The following METRNL variants were observed in gnomAD, a reference collection of about 807,000 sequenced individuals.
METRNL encodes the protein meteorin like, glial cell differentiation regulator.
A neutral mutation model predicts 17.4 loss-of-function variants in METRNL; 9 were observed. That is an observed-to-expected ratio of 0.52 (90% CI 0.31 to 0.90). METRNL has a LOEUF of 0.90. Among genes scored for constraint, METRNL ranks in the 40% least tolerant of loss-of-function variants. METRNL has a pLI of 0.05. For missense variants in METRNL, 408 were observed against 430.7 expected (o/e 0.95, Z 0.47); for synonymous variants, 215 against 199.3 (o/e 1.08, Z -0.66).
At position 83,091,513 on chromosome 17, in the gene METRNL, C is replaced by T. The variant is rs552093371; in HGVS notation, c.557-1654C>T. Among the ~76,000 whole-genome samples, 184 of 152,334 alleles carry T rather than the reference C, an allele frequency of 1.2e-3. 2 individuals carry two copies. Among genetic ancestry groups the T allele is most frequent in the South Asian group, 2.9e-3 (14 of 4,830 alleles). On this transcript the variant is annotated intron_variant, in intron 2 of 3. Transcript: ENST00000320095. ...CAGGCCCTGAGGGTCCATGTAAGTT[C>T]CTGACCCCAGAAGGCCTCTGAGCAG...
In METRNL at chr17:83,094,706, A is replaced by G. The variant is rs1266274939; in HGVS notation, c.*131A>G. 1 of 663,120 alleles carries G rather than the reference A, an allele frequency of 1.5e-6. No individual in the cohort carries two copies. Among genetic ancestry groups the G allele is most frequent in the Non-Finnish European group, 2.2e-6 (1 of 464,388 alleles). 41.1% of individuals were successfully genotyped at this position (663,120 alleles called of 1,614,324 possible). A position where few individuals can be genotyped will look rare whatever the true frequency, so the allele number is the denominator to read the frequency against. On this transcript the variant is annotated 3_prime_UTR_variant, in exon 4 of 4. Coordinates refer to ENST00000320095, the MANE Select transcript of METRNL (RefSeq NM_001004431.3). ...CCCTGGGCCCAGGCCTGACCCTGGT[A>G]CCGAAGCTGTGGACGTTCTCGCCAC...
At chr17:83,085,372 C>T in intron 2 of METRNL, 49 bp downstream of exon 2, 3 of 1,507,102 alleles carry the variant, frequency 2.0e-6, no homozygotes, top group Middle Eastern at 2.2e-4. Flanking sequence ...CATCACGGGG[C>T]TGGTGATGTG....
chr17:83,090,143 C>T (rs1479223355), intron 2 of METRNL, among the ~76,000 whole-genome samples: 19 of 139,662 alleles, frequency 1.4e-4, no homozygotes, highest in African/African-American at 3.4e-4. Flanking sequence ...CACACACCCC[C>T]GCCCCGCCCC....
intron 2 of METRNL, among the ~76,000 whole-genome samples, chr17:83,087,275 T>A (rs1341804932): frequency 6.6e-6 from 1 of 152,082 alleles, no homozygotes; most frequent in Admixed American, 6.5e-5. Context: ...GAGCCTGAGG[T>A]GATTTCCAGT....
rs1475036017 is a variant in METRNL, at chr17:83,085,139, T to C, written c.372T>C (p.Thr124=). The C allele has an allele frequency of 1.9e-6, 3 of 1,613,540 alleles. No individual in the cohort carries two copies. The South Asian group carries it at 3.3e-5, about 18-fold the overall frequency. Residue 124 remains threonine, a synonymous_variant, in exon 2 of 4, where the codon ACT becomes ACC. Coordinates refer to ENST00000320095, the MANE Select transcript of METRNL (RefSeq NM_001004431.3). ...SSGANIYLEK[T]GELRLLVPDG... The stretch of plus-strand genomic sequence containing the variant: ...GGGCCAATATTTATTTGGAAAAAAC[T>C]GGAGAACTGAGACTGCTGGTACCAG...
Position 83,094,284 on chromosome 17 carries a change from C to A in METRNL, c.645C>A (p.Thr215=), listed in dbSNP as rs149044174. ...TTCGAGGCTCCATCCAGCAAGTTAC[C>A]CACGAGCCTGAGCGGCAGGACTCAG... ...FAVRGSIQQV[T]HEPERQDSAI... is the part of the protein sequence containing the mutation. The change falls in exon 4 of 4, where the codon ACC becomes ACA. Residue 215 remains threonine, a synonymous_variant. Transcript: ENST00000320095. 541 of 1,584,284 alleles carry A rather than the reference C, an allele frequency of 3.4e-4. 3 individuals carry two copies. In the African/African-American group the frequency reaches 6.3e-3, roughly 18 times the overall value.
At chr17:83,085,413 C>G in intron 2 of METRNL, 90 bp downstream of exon 2, 3 of 1,446,592 alleles carry the variant, frequency 2.1e-6, no homozygotes, top group Non-Finnish European at 2.8e-6. Context: ...CCTGTCCCCT[C>G]GTCTGCTCAG....
intron 1 of METRNL, among the ~76,000 whole-genome samples, chr17:83,082,956 G>A (rs2038006985): frequency 6.6e-6 from 1 of 152,270 alleles, no homozygotes; most frequent in Non-Finnish European, 1.5e-5. Flanking sequence ...TGAGAGGAGA[G>A]GGGAGCAGGC....
chr17:83,093,020 G>A (rs1297252910), intron 2 of METRNL, 147 bp from the exon 3 acceptor site: 2 of 643,938 alleles, frequency 3.1e-6, no homozygotes, highest in Admixed American at 4.9e-5. Context: ...ACTCACATTT[G>A]AAGTGGCGTT....
Position 83,094,171 on chromosome 17 carries a change from C to T in METRNL, c.617-85C>T, listed in dbSNP as rs1256083900. On this transcript the variant is annotated intron_variant, in intron 3 of 3. Coordinates refer to ENST00000320095, the MANE Select transcript of METRNL (RefSeq NM_001004431.3). ...GTCAGCTGCCCGTTCCAGTGCCCAT[C>T]GATGCGGGGGCAGGGGGAGGTGCGG... 3.2e-5 allele frequency: 38 copies of T among 1,169,560 alleles called. No homozygotes were observed. In the East Asian group the frequency reaches 7.5e-4, roughly 23 times the overall value. 72.4% of individuals were successfully genotyped at this position (1,169,560 alleles called of 1,614,324 possible). A position where few individuals can be genotyped will look rare whatever the true frequency, so the allele number is the denominator to read the frequency against.
chr17:83,080,989 C>T (rs894987998), intron 1 of METRNL, among the ~76,000 whole-genome samples: 5 of 151,528 alleles, frequency 3.3e-5, no homozygotes, highest in Non-Finnish European at 4.4e-5. Context: ...GCAGGTCTCC[C>T]CGCAGCCGCA....
intron 1 of METRNL, among the ~76,000 whole-genome samples, chr17:83,081,274 C>G (rs867508060): frequency 6.6e-6 from 1 of 152,162 alleles, no homozygotes; most frequent in Non-Finnish European, 1.5e-5. Context: ...GTGATTCAGC[C>G]CCGGCTCGCT....
At chr17:83,090,236 A>ACAC (rs2038106691) in intron 2 of METRNL, among the ~76,000 whole-genome samples, 1 of 18,704 alleles carries the variant, frequency 5.3e-5, no homozygotes, top group East Asian at 4.7e-3. Flanking sequence ...AGCCACACAC[A>ACAC]CCCCCGCCCT....
intron 1 of METRNL, 43 bp downstream of exon 1, chr17:83,080,028 G>C (rs1201562575): frequency 2.0e-6 from 2 of 1,000,488 alleles, no homozygotes; most frequent in Non-Finnish European, 2.4e-6. Flanking sequence ...CCCTCCCCTC[G>C]CGTCCCCTCC....
rs1021519334 is a variant in METRNL at position 83,082,344 on chromosome 17, C to T, written c.170+2359C>T. On this transcript the variant is annotated intron_variant, in intron 1 of 3. Coordinates refer to ENST00000320095, the MANE Select transcript of METRNL (RefSeq NM_001004431.3). ...AGAGTTGTGGTGTGTGGGCTGGTGC[C>T]TCAACAACCCTCCAGTGCACCTGCG... 6 of 718,494 alleles carry T rather than the reference C, an allele frequency of 8.4e-6. No homozygotes were observed. In the African/African-American group the frequency reaches 1.2e-4, roughly 14 times the overall value. The allele number at this position is 718,494 out of a possible 1,614,324, so 44.5% of individuals were successfully genotyped here. A position where few individuals can be genotyped will look rare whatever the true frequency, so the allele number is the denominator to read the frequency against.
rs755795037 is a variant in METRNL at position 83,094,262 on chromosome 17, G to A, written c.623G>A (p.Arg208Gln). Residue 208 changes from arginine (R) to glutamine (Q), a missense_variant, in exon 4 of 4, where the codon CGA becomes CAA. Physicochemically the swap from Arg to Gln is conservative, Grantham distance 43 (BLOSUM62 1). Coordinates refer to ENST00000320095, the MANE Select transcript of METRNL (RefSeq NM_001004431.3). ...LAVCTSDFAV[R>Q]GSIQQVTHEP... is the part of the protein sequence containing the mutation. Reference sequence around the variant, plus strand: ...CATCTCCTTCCCCGCACAGCCGTTCGAGGCTCCATCCAGCAAGTTACCCAC... The same window carrying A: ...CATCTCCTTCCCCGCACAGCCGTTCAAGGCTCCATCCAGCAAGTTACCCAC... The A allele has an allele frequency of 1.3e-5, 21 of 1,570,008 alleles. No individual in the cohort carries two copies. Among genetic ancestry groups the A allele is most frequent in the Admixed American group, 3.5e-5 (2 of 57,574 alleles).
intron 1 of METRNL, chr17:83,084,674 C>T (rs1307992887): frequency 3.4e-5 from 18 of 536,202 alleles, no homozygotes; most frequent in Middle Eastern, 4.7e-4. Context: ...ACCGCCTGCA[C>T]TCCCGGGAGC....
In METRNL at chr17:83,082,014, C is replaced by T. The variant is rs946818655; in HGVS notation, c.170+2029C>T. The T allele has an allele frequency of 6.5e-6, 6 of 921,606 alleles. No homozygotes were observed. The African/African-American group carries it at 1.1e-4, about 16-fold the overall frequency. The allele number at this position is 921,606 out of a possible 1,614,324, so 57.1% of individuals were successfully genotyped here. A position where few individuals can be genotyped will look rare whatever the true frequency, so the allele number is the denominator to read the frequency against. On this transcript the variant is annotated intron_variant, in intron 1 of 3. Transcript: ENST00000320095. ...ATCCCCCGATAGCTGGAAAGTTGCC[C>T]CTCATGACACTGGCCACTGCATCGA...
At position 83,079,892 on chromosome 17, in the gene METRNL, C is replaced by T. The variant is rs2037961698; in HGVS notation, c.77C>T (p.Pro26Leu). 1.1e-5 allele frequency: 11 copies of T among 986,914 alleles called. No individual in the cohort carries two copies. The Admixed American group carries it at 6.2e-4, about 56-fold the overall frequency. 61.1% of individuals were successfully genotyped at this position (986,914 alleles called of 1,614,324 possible). Residue 26 changes from proline (P) to leucine (L), a missense_variant, in exon 1 of 4, where the codon CCG becomes CTG. Physicochemically the swap from Pro to Leu is moderately conservative, Grantham distance 98. Coordinates refer to ENST00000320095, the MANE Select transcript of METRNL (RefSeq NM_001004431.3). ...CGACCCCCCGCCCCGGGCCCGCCCCCGCCGCCGCTCCCGCTGCTGCTCCTG... is the reference window on the plus strand; with the variant it reads ...CGACCCCCCGCCCCGGGCCCGCCCCTGCCGCCGCTCCCGCTGCTGCTCCTG... ...WPRPPAPGPP[P>L]PPLPLLLLLL...
Sources: gnomAD v4.1 joint callset for allele counts (sites outside exome capture counted in the v4.1 genomes callset) on GRCh38, gnomAD v4.1.1 for gene constraint, MANE v1.5 for transcripts, NCBI Gene and HGNC (gene_info 2026-07-23, HGNC 2026-07-21) for gene names.